EPHB1: variants seen among roughly 807,000 people sequenced by gnomAD.
EPHB1 encodes ephrin type-B receptor 1.
Under a neutral mutation model 94.4 loss-of-function variants are expected in EPHB1, and 30 were observed. The ratio of observed to expected loss-of-function variants is 0.32; its 90% CI spans 0.24 to 0.43. The LOEUF (loss-of-function observed/expected upper bound fraction) is 0.43. EPHB1 is among the 20% of genes least tolerant of loss of function. The probability of loss-of-function intolerance (pLI) is 1.00; values close to 1 mark genes in which losing one functional copy is unlikely to be tolerated. For missense variants in EPHB1, 1,055 were observed against 1,308.3 expected (o/e 0.81, Z 2.99); for synonymous variants, 522 against 489.1 (o/e 1.07, Z -0.89).
At position 135,260,461 on chromosome 3, in the gene EPHB1, C is replaced by T. The variant is rs566830116; in HGVS notation, c.*1341C>T. On this transcript the variant is annotated 3_prime_UTR_variant, in exon 16 of 16. Coordinates refer to ENST00000398015, the MANE Select transcript of EPHB1 (RefSeq NM_004441.5). ...AAGAGCAGAAGCATGTCTGGGTTTA[C>T]GTAAAATGGTGTCAGAGTGTGTATC... is the stretch of plus-strand genomic sequence containing the variant. The T allele has an allele frequency of 3.2e-5, 7 of 217,428 alleles. No homozygotes were observed. The highest frequency in any genetic ancestry group is 6.8e-5 in the East Asian group (1 of 14,672). 13.5% of individuals were successfully genotyped at this position (217,428 alleles called of 1,614,324 possible). A position where few individuals can be genotyped will look rare whatever the true frequency, so the allele number is the denominator to read the frequency against.
intron 1 of EPHB1, among the ~76,000 whole-genome samples, chr3:134,820,100 C>T (rs1236298788): frequency 6.6e-6 from 1 of 152,052 alleles, no homozygotes; most frequent in Non-Finnish European, 1.5e-5. Flanking sequence ...ACTAGTAGAC[C>T]CTGTTGATAA....
At chr3:134,909,647 G>T (rs112184364) in intron 1 of EPHB1, among the ~76,000 whole-genome samples, 2,238 of 152,304 alleles carry the variant, frequency 0.015, 55 homozygotes, top group African/African-American at 0.05. Flanking sequence ...TCTTTTCTCA[G>T]TTCAGAAGGA....
rs144489564 is a variant in EPHB1, at chr3:134,988,945, T to C, written c.805+36893T>C. ...GAAGACCTGGGAGTGCCTTCTCCTG[T>C]TCACGTCTGCTCTGGGAAGGGAATT... On this transcript the variant is annotated intron_variant, in intron 3 of 15. Transcript: ENST00000398015. Among the ~76,000 whole-genome samples the C allele has an allele frequency of 5.6e-3, 855 of 152,304 alleles. 8 individuals carry two copies. Among genetic ancestry groups the C allele is most frequent in the African/African-American group, 0.02 (820 of 41,554 alleles).
intron 1 of EPHB1, among the ~76,000 whole-genome samples, chr3:134,891,561 G>T (rs2037984501): frequency 6.6e-6 from 1 of 152,172 alleles, no homozygotes; most frequent in East Asian, 1.9e-4. Context: ...AATACTATTA[G>T]TTGCCTTTTT....
intron 13 of EPHB1, among the ~76,000 whole-genome samples, chr3:135,246,173 TG>T (rs984818056): frequency 6.6e-6 from 1 of 152,110 alleles, no homozygotes; most frequent in Non-Finnish European, 1.5e-5. Flanking sequence ...TGGAAGACTT[TG>T]GGGACCCCTG....
chr3:135,001,221 C>T (rs1355745655), intron 3 of EPHB1, among the ~76,000 whole-genome samples: 1 of 152,144 alleles, frequency 6.6e-6, no homozygotes, highest in Admixed American at 6.5e-5. Context: ...TTCCATCTTG[C>T]AGCTCTCCAA....
chr3:135,137,562 TG>T (rs1339291996), intron 5 of EPHB1, among the ~76,000 whole-genome samples: 3 of 151,998 alleles, frequency 2.0e-5, no homozygotes, highest in African/African-American at 7.2e-5. Context: ...GGTGGCAGAG[TG>T]CTGTGGGGTA....
At chr3:135,067,179 G>A (rs1054889771) in intron 3 of EPHB1, among the ~76,000 whole-genome samples, 7 of 152,178 alleles carry the variant, frequency 4.6e-5, no homozygotes, top group African/African-American at 1.7e-4. Context: ...ACTGCCAGGA[G>A]GTGGTGCTTT....
At chr3:135,191,502 C>A (rs80307777) in intron 10 of EPHB1, among the ~76,000 whole-genome samples, 8 of 152,220 alleles carry the variant, frequency 5.3e-5, no homozygotes, top group African/African-American at 1.9e-4. Flanking sequence ...AAAGTTTTCT[C>A]AGCAGAAAGC....
intron 1 of EPHB1, among the ~76,000 whole-genome samples, chr3:134,810,476 A>C (rs2036149291): frequency 6.6e-6 from 1 of 152,216 alleles, no homozygotes; most frequent in African/African-American, 2.4e-5. Context: ...TCAGGAAAGG[A>C]CAATGAGAAC....
chr3:134,911,532 C>A (rs1048339670), intron 1 of EPHB1, among the ~76,000 whole-genome samples: 1 of 152,102 alleles, frequency 6.6e-6, no homozygotes, highest in Non-Finnish European at 1.5e-5. Context: ...AGTCTGGGGG[C>A]TGCAGTAGGC....
chr3:135,015,965 G>A (rs1051265327), intron 3 of EPHB1, among the ~76,000 whole-genome samples: 2 of 152,208 alleles, frequency 1.3e-5, no homozygotes, highest in Admixed American at 1.3e-4. Context: ...TGGGCTGGAA[G>A]TAGCAGAGGA....
At chr3:134,996,496 A>C (rs1934999818) in intron 3 of EPHB1, among the ~76,000 whole-genome samples, 1 of 152,198 alleles carries the variant, frequency 6.6e-6, no homozygotes. Flanking sequence ...CATAATAGAT[A>C]ATATTCTTAA....
At chr3:135,204,632 C>G (rs1260231987) in intron 12 of EPHB1, among the ~76,000 whole-genome samples, 1 of 151,738 alleles carries the variant, frequency 6.6e-6, no homozygotes, top group African/African-American at 2.4e-5. Context: ...TCCTGAGTAG[C>G]TGGGACTACA....
intron 3 of EPHB1, among the ~76,000 whole-genome samples, chr3:135,067,183 G>T (rs1367393113): frequency 1.3e-5 from 2 of 152,154 alleles, no homozygotes; most frequent in African/African-American, 4.8e-5. Flanking sequence ...CCAGGAGGTG[G>T]TGCTTTCAAG....
At chr3:135,257,273 T>C (rs1177916429) in intron 15 of EPHB1, among the ~76,000 whole-genome samples, 1 of 152,226 alleles carries the variant, frequency 6.6e-6, no homozygotes, top group Non-Finnish European at 1.5e-5. Flanking sequence ...ACTGCGTTCC[T>C]TTGGAGGAGG....
At chr3:135,128,684 A>G (rs1940305517) in intron 4 of EPHB1, among the ~76,000 whole-genome samples, 1 of 151,808 alleles carries the variant, frequency 6.6e-6, no homozygotes, top group Admixed American at 6.6e-5. Context: ...GTTTCCTTCT[A>G]TTCTATTAGT....
intron 5 of EPHB1, among the ~76,000 whole-genome samples, chr3:135,144,716 G>A (rs1278050403): frequency 2.0e-5 from 3 of 152,134 alleles, no homozygotes; most frequent in African/African-American, 7.2e-5. Context: ...TGAAGGAGGA[G>A]CCTGTGACTC....
chr3:135,128,779 C>T (rs1027875599), intron 4 of EPHB1, among the ~76,000 whole-genome samples: 7 of 152,110 alleles, frequency 4.6e-5, no homozygotes, highest in Non-Finnish European at 8.8e-5. Context: ...AAAAGAATGC[C>T]GGGAGTATTA....
Sources: gnomAD v4.1 joint callset for allele counts (sites outside exome capture counted in the v4.1 genomes callset) on GRCh38, gnomAD v4.1.1 for gene constraint, MANE v1.5 for transcripts, NCBI Gene and HGNC (gene_info 2026-07-23, HGNC 2026-07-21) for gene names.